Variants in KALRN observed in about 807,000 individuals in gnomAD.
The protein encoded by KALRN is kalirin RhoGEF kinase, also known as kalirin.
A neutral mutation model predicts 353.7 loss-of-function variants in KALRN; 70 were observed. The observed-to-expected ratio is 0.20, with a 90% confidence interval of 0.16 to 0.24. KALRN has a LOEUF of 0.24. KALRN is among the 10% of genes least tolerant of loss of function. The probability of loss-of-function intolerance (pLI) is 1.00; values close to 1 mark genes in which losing one functional copy is unlikely to be tolerated. For synonymous variants in KALRN, 1,391 were observed against 1,434.8 expected, an observed-to-expected ratio of 0.97 and a Z score of 0.69; for missense variants, 2,791 against 3,756.7, an observed-to-expected ratio of 0.74 and a Z score of 6.72.
intron 5 of KALRN, among the ~76,000 whole-genome samples, chr3:124,276,966 CAT>C (rs946503590): frequency 4.6e-5 from 7 of 152,082 alleles, no homozygotes; most frequent in East Asian, 1.9e-4. Flanking sequence ...TGCACACACA[CAT>C]GTGTGCACAC....
At position 124,655,593 on chromosome 3, in the gene KALRN, C is replaced by T. The variant is rs757613027; in HGVS notation, c.5796-8C>T. 5 of 1,611,298 alleles carry T rather than the reference C, an allele frequency of 3.1e-6. No homozygotes were observed. The African/African-American group carries it at 6.7e-5, about 22-fold the overall frequency. On this transcript the variant is annotated splice_polypyrimidine_tract_variant and splice_region_variant and intron_variant, in intron 38 of 59. Coordinates refer to ENST00000682506, the MANE Select transcript of KALRN (RefSeq NM_001388419.1). Reference sequence around the variant, plus strand: ...AGGAACACTCACTGTTCTTAATCTCCTGCTCAGGTTTGTCCTGAATGAGCT... The same window carrying T: ...AGGAACACTCACTGTTCTTAATCTCTTGCTCAGGTTTGTCCTGAATGAGCT...
chr3:124,455,987 G>T (rs924375923), intron 22 of KALRN, among the ~76,000 whole-genome samples: 1 of 152,170 alleles, frequency 6.6e-6, no homozygotes, highest in Non-Finnish European at 1.5e-5. Context: ...GGAGAGTGAA[G>T]TGGCCAAACT....
chr3:124,079,834 G>A (rs2060449057), intron 1 of KALRN, among the ~76,000 whole-genome samples: 1 of 151,702 alleles, frequency 6.6e-6, no homozygotes, highest in African/African-American at 2.4e-5. Context: ...GTATTTATTT[G>A]TCTTCATGTT....
intron 1 of KALRN, among the ~76,000 whole-genome samples, chr3:124,177,182 T>C (rs2072897544): frequency 6.6e-6 from 1 of 152,220 alleles, no homozygotes; most frequent in African/African-American, 2.4e-5. Flanking sequence ...TCACAGGGCC[T>C]GGGAGTCTGA....
intron 1 of KALRN, among the ~76,000 whole-genome samples, chr3:124,166,003 C>G (rs2070781557): frequency 6.6e-6 from 1 of 152,126 alleles, no homozygotes; most frequent in Non-Finnish European, 1.5e-5. Context: ...CAAGTGGCTC[C>G]TCTGCCTGGG....
intron 7 of KALRN, among the ~76,000 whole-genome samples, chr3:124,329,605 A>G (rs1192196687): frequency 6.6e-6 from 1 of 152,120 alleles, no homozygotes; most frequent in Non-Finnish European, 1.5e-5. Context: ...TGAACATCTG[A>G]TGATTCACCT....
chr3:124,131,091 G>A (rs2065223838), intron 1 of KALRN, among the ~76,000 whole-genome samples: 1 of 152,194 alleles, frequency 6.6e-6, no homozygotes, highest in Non-Finnish European at 1.5e-5. Context: ...CTTTGTGCAA[G>A]TTATGCTTTA....
At chr3:124,160,643 G>A (rs1259658575) in intron 1 of KALRN, among the ~76,000 whole-genome samples, 9 of 152,090 alleles carry the variant, frequency 5.9e-5, no homozygotes, top group African/African-American at 9.7e-5. Context: ...CAGAGGGTGG[G>A]GTAAGAGACA....
intron 10 of KALRN, among the ~76,000 whole-genome samples, chr3:124,354,863 A>G (rs926721845): frequency 3.9e-5 from 6 of 152,358 alleles, no homozygotes; most frequent in Admixed American, 3.9e-4. Context: ...TATGAAATCT[A>G]CAAACCTGAG....
chr3:124,265,729 T>G (rs2073445952), intron 4 of KALRN, among the ~76,000 whole-genome samples: 1 of 152,202 alleles, frequency 6.6e-6, no homozygotes, highest in African/African-American at 2.4e-5. Context: ...TATATACACA[T>G]GTGCATAAAT....
At position 124,347,149 on chromosome 3, in the gene KALRN, G is replaced by C; in HGVS notation, c.1654G>C (p.Asp552His). The C allele has an allele frequency of 6.2e-7, 1 of 1,614,118 alleles. No individual in the cohort carries two copies. The highest frequency in any genetic ancestry group is 1.1e-5 in the South Asian group (1 of 91,082). The change falls in exon 10 of 60, where the codon GAC becomes CAC. Residue 552 changes from aspartate (D) to histidine (H), a missense_variant. Asp to His is a moderately conservative substitution (Grantham distance 81). Coordinates refer to ENST00000682506, the MANE Select transcript of KALRN (RefSeq NM_001388419.1). Reference sequence around the variant, plus strand: ...GTTATCCTTCTTTGACCAGGTGTTGGACTGGATTGAAAACCATGGTGAGGC... The same window carrying C: ...GTTATCCTTCTTTGACCAGGTGTTGCACTGGATTGAAAACCATGGTGAGGC... The part of the protein sequence containing the change: ...VFQQDVQQVL[D>H]WIENHGEAFL...
intron 1 of KALRN, chr3:124,152,525 A>C (rs1347337065): frequency 1.4e-6 from 1 of 705,742 alleles, no homozygotes; most frequent in African/African-American, 1.9e-5. Context: ...TCCTTGTTAC[A>C]GTGCTTTTCT....
At chr3:124,507,966 T>G (rs1290802465) in intron 33 of KALRN, among the ~76,000 whole-genome samples, 1 of 152,226 alleles carries the variant, frequency 6.6e-6, no homozygotes, top group African/African-American at 2.4e-5. Flanking sequence ...TTTGTATCAA[T>G]TTTGGTCCCA....
At chr3:124,543,208 G>C (rs985969401) in intron 33 of KALRN, among the ~76,000 whole-genome samples, 2 of 151,882 alleles carry the variant, frequency 1.3e-5, no homozygotes, top group Non-Finnish European at 2.9e-5. Flanking sequence ...CTACACATTC[G>C]AAGTAGTCAC....
At chr3:124,035,878 T>G (rs2039365468) in intron 1 of KALRN, among the ~76,000 whole-genome samples, 1 of 152,116 alleles carries the variant, frequency 6.6e-6, no homozygotes, top group South Asian at 2.1e-4. Flanking sequence ...CAGAGAAAGG[T>G]TAAGTCATTG....
At chr3:124,301,253 C>G (rs1319287687) in intron 6 of KALRN, among the ~76,000 whole-genome samples, 1 of 152,182 alleles carries the variant, frequency 6.6e-6, no homozygotes, top group African/African-American at 2.4e-5. Context: ...GAGTTAACAG[C>G]ACATCAAAAA....
At chr3:124,274,691 T>C (rs1248041760) in intron 5 of KALRN, among the ~76,000 whole-genome samples, 1 of 152,308 alleles carries the variant, frequency 6.6e-6, no homozygotes, top group Admixed American at 6.5e-5. Flanking sequence ...CTTATCACCC[T>C]GCTTGAGAGG....
At chr3:124,231,112 T>G (rs1450549126) in intron 2 of KALRN, among the ~76,000 whole-genome samples, 1 of 152,214 alleles carries the variant, frequency 6.6e-6, no homozygotes, top group Non-Finnish European at 1.5e-5. Context: ...AAAGCCATGC[T>G]GCCATGGGAA....
intron 26 of KALRN, among the ~76,000 whole-genome samples, chr3:124,476,551 A>G (rs1407755002): frequency 1.3e-5 from 2 of 152,116 alleles, no homozygotes; most frequent in Non-Finnish European, 2.9e-5. Context: ...CATTTCACCA[A>G]ATAAGAAAAG....
Sources: allele counts gnomAD v4.1 joint callset (sites outside exome capture counted in the v4.1 genomes callset), GRCh38; gene constraint gnomAD v4.1.1; transcripts MANE v1.5; gene names NCBI Gene and HGNC (gene_info 2026-07-23, HGNC 2026-07-21).